ADCY5: variants seen among roughly 807,000 people sequenced by gnomAD.
ADCY5 encodes the protein adenylate cyclase type 5.
Under a neutral mutation model 119.7 loss-of-function variants are expected in ADCY5, and 30 were observed. The ratio of observed to expected loss-of-function variants is 0.25; its 90% CI spans 0.19 to 0.34. ADCY5 has a LOEUF of 0.34. ADCY5 is among the 10% of genes least tolerant of loss of function. The probability of loss-of-function intolerance (pLI) is 1.00; values close to 1 mark genes in which losing one functional copy is unlikely to be tolerated. For missense variants in ADCY5, 1,324 were observed against 1,775.2 expected, an observed-to-expected ratio of 0.75 and a Z score of 4.57; for synonymous variants, 753 against 762.2, an observed-to-expected ratio of 0.99 and a Z score of 0.20.
Position 123,426,863 on chromosome 3 carries a change from C to T in ADCY5, c.1134+20549G>A, listed in dbSNP as rs75928446. Among the ~76,000 whole-genome samples the T allele has an allele frequency of 2.3e-3, 351 of 152,096 alleles. 2 individuals carry two copies. The East Asian group carries it at 0.025, about 11-fold the overall frequency. Reference sequence around the variant, plus strand: ...TGGGGGCTCCCAGAGGGAGGAGAAGCTAGGAGGTTGACTCTTCGGGTGCTT... The same window carrying T: ...TGGGGGCTCCCAGAGGGAGGAGAAGTTAGGAGGTTGACTCTTCGGGTGCTT... On this transcript the variant is annotated intron_variant, in intron 1 of 20. Coordinates refer to ENST00000462833, the MANE Select transcript of ADCY5 (RefSeq NM_183357.3).
chr3:123,326,920 T>C (rs1941519285), intron 7 of ADCY5, among the ~76,000 whole-genome samples: 1 of 152,240 alleles, frequency 6.6e-6, no homozygotes. Flanking sequence ...TCGTTTCACT[T>C]CTTAGGAAGA....
chr3:123,357,878 T>G (rs757739635), intron 1 of ADCY5, among the ~76,000 whole-genome samples: 10 of 152,140 alleles, frequency 6.6e-5, no homozygotes, highest in Non-Finnish European at 1.5e-4. Flanking sequence ...TTAAAAATGA[T>G]CCCACACCTT....
intron 3 of ADCY5, among the ~76,000 whole-genome samples, chr3:123,339,264 G>C (rs1942166266): frequency 6.6e-6 from 1 of 152,176 alleles, no homozygotes; most frequent in African/African-American, 2.4e-5. Flanking sequence ...CCAACCTGAA[G>C]AATCCTTTGG....
chr3:123,323,145 G>A (rs1414979050), intron 8 of ADCY5, among the ~76,000 whole-genome samples: 1 of 152,214 alleles, frequency 6.6e-6, no homozygotes, highest in Non-Finnish European at 1.5e-5. Context: ...GGGACACCAG[G>A]CCCAGCCAGG....
chr3:123,447,961 C>A lies in ADCY5; in HGVS notation c.585G>T (p.Ser195=). 2 of 1,486,174 alleles carry A rather than the reference C, an allele frequency of 1.3e-6. No individual in the cohort carries two copies. Among genetic ancestry groups the A allele is most frequent in the East Asian group, 2.6e-5 (1 of 38,064 alleles). 92.1% of individuals were successfully genotyped at this position (1,486,174 alleles called of 1,614,324 possible). A position where few individuals can be genotyped will look rare whatever the true frequency, so the allele number is the denominator to read the frequency against. ...GDGGSSADSG[S]GAGPGAVLSL... ...ACAGCACCGCGCCGGGCCCCGCGCC[C>A]GAGCCCGAGTCCGCCGAGCTGCCGC... Residue 195 remains serine, a synonymous_variant, in exon 1 of 21, where the codon TCG becomes TCT. Coordinates refer to ENST00000462833, the MANE Select transcript of ADCY5 (RefSeq NM_183357.3).
intron 1 of ADCY5, among the ~76,000 whole-genome samples, chr3:123,430,471 C>T (rs767025789): frequency 2.0e-5 from 3 of 152,142 alleles, no homozygotes; most frequent in Admixed American, 6.5e-5. Flanking sequence ...CCCGAGGCCT[C>T]GGAGAAGGAG....
intron 1 of ADCY5, among the ~76,000 whole-genome samples, chr3:123,371,967 A>G (rs1182981855): frequency 6.6e-6 from 1 of 152,166 alleles, no homozygotes; most frequent in East Asian, 1.9e-4. Flanking sequence ...GTGAGCACAG[A>G]GGAGGGCTTG....
intron 3 of ADCY5, among the ~76,000 whole-genome samples, chr3:123,344,948 T>A (rs920116417): frequency 6.6e-6 from 1 of 152,226 alleles, no homozygotes; most frequent in African/African-American, 2.4e-5. Flanking sequence ...AGCATCTTGA[T>A]TTTTCTCTCC....
At chr3:123,402,469 G>C (rs951113998) in intron 1 of ADCY5, among the ~76,000 whole-genome samples, 2 of 152,226 alleles carry the variant, frequency 1.3e-5, no homozygotes, top group African/African-American at 4.8e-5. Context: ...GAAGCCAAGG[G>C]GGCCCAGGAA....
intron 1 of ADCY5, among the ~76,000 whole-genome samples, chr3:123,400,195 C>A (rs189863667): frequency 6.6e-6 from 1 of 152,324 alleles, no homozygotes; most frequent in Admixed American, 6.5e-5. Flanking sequence ...GGTCCAGAAT[C>A]ACCTCTGCTC....
At chr3:123,362,761 T>TA (rs1476670768) in intron 1 of ADCY5, among the ~76,000 whole-genome samples, 3 of 152,176 alleles carry the variant, frequency 2.0e-5, no homozygotes, top group Non-Finnish European at 4.4e-5. Context: ...GTTAATTTCA[T>TA]AAACATTCAG....
chr3:123,338,463 C>G (rs1394346609), intron 3 of ADCY5, among the ~76,000 whole-genome samples: 1 of 152,238 alleles, frequency 6.6e-6, no homozygotes, highest in African/African-American at 2.4e-5. Flanking sequence ...TACCCTACAG[C>G]AGACTGTCTG....
intron 1 of ADCY5, among the ~76,000 whole-genome samples, chr3:123,434,836 A>ACCTAAC (rs1425924520): frequency 6.6e-6 from 1 of 151,970 alleles, no homozygotes; most frequent in Non-Finnish European, 1.5e-5. Flanking sequence ...ACCACCCTAA[A>ACCTAAC]CCTAACCCTA....
chr3:123,319,888 G>A (rs1444191617), intron 9 of ADCY5, 70 bp from the exon 10 acceptor site: 13 of 1,575,292 alleles, frequency 8.3e-6, no homozygotes, highest in Non-Finnish European at 1.0e-5. Context: ...TGGCTCTTCC[G>A]ACCATCCCCC....
intron 1 of ADCY5, among the ~76,000 whole-genome samples, chr3:123,394,693 T>C (rs2107593064): frequency 6.6e-6 from 1 of 152,298 alleles, no homozygotes; most frequent in South Asian, 2.1e-4. Context: ...GAAAATGAGT[T>C]CTTAAAGTAA....
chr3:123,432,125 T>C (rs1042017053), intron 1 of ADCY5, among the ~76,000 whole-genome samples: 15 of 152,074 alleles, frequency 9.9e-5, no homozygotes, highest in African/African-American at 2.7e-4. Flanking sequence ...AGGTGAAAAA[T>C]TGAGGCTGAC....
At chr3:123,287,187 C>G (rs1938832640) in intron 19 of ADCY5, 2 of 174,456 alleles carry the variant, frequency 1.1e-5, no homozygotes, top group South Asian at 3.0e-4. Context: ...TCGCCATTCT[C>G]ACTCTTAGAT....
At chr3:123,319,618 C>A in intron 10 of ADCY5, 56 bp downstream of exon 10, 1 of 1,595,336 alleles carries the variant, frequency 6.3e-7, no homozygotes, top group South Asian at 1.1e-5. Context: ...TTCTTGCCCT[C>A]CTCCTCCTGG....
At chr3:123,318,945 C>A (rs1214013128) in intron 10 of ADCY5, among the ~76,000 whole-genome samples, 1 of 152,176 alleles carries the variant, frequency 6.6e-6, no homozygotes. Context: ...AACTTTAACA[C>A]CTTGAGGTCC....
Sources: gnomAD v4.1 joint callset for allele counts (sites outside exome capture counted in the v4.1 genomes callset) on GRCh38, gnomAD v4.1.1 for gene constraint, MANE v1.5 for transcripts, NCBI Gene and HGNC (gene_info 2026-07-23, HGNC 2026-07-21) for gene names.